Variants in DOCK8 observed in about 807,000 individuals in gnomAD.
DOCK8 encodes dedicator of cytokinesis protein 8.
In DOCK8, 141 loss-of-function variants were observed where a neutral mutation model predicts 245.6. That is an observed-to-expected ratio of 0.57 (90% CI 0.50 to 0.66). DOCK8 has a LOEUF of 0.66. Among genes scored for constraint, DOCK8 ranks in the 30% least tolerant of loss-of-function variants. The pLI, the probability that DOCK8 is intolerant of heterozygous loss-of-function variation, is 0.00. For missense variants in DOCK8, 2,965 were observed against 2,603.4 expected (o/e 1.14, Z -3.02); for synonymous variants, 1,168 against 970.2 (o/e 1.20, Z -3.79).
intron 22 of DOCK8, among the ~76,000 whole-genome samples, chr9:383,176 G>T (rs1326291014): frequency 2.0e-5 from 3 of 151,924 alleles, no homozygotes; most frequent in African/African-American, 4.8e-5. Context: ...GAGGCGGGCG[G>T]ATTACTTGAG....
chr9:282,945 T>G (rs2048654183), intron 2 of DOCK8, among the ~76,000 whole-genome samples: 1 of 152,230 alleles, frequency 6.6e-6, no homozygotes, highest in African/African-American at 2.4e-5. Flanking sequence ...TCACTTTTAT[T>G]TACTTACTAT....
At position 372,225 on chromosome 9, in the gene DOCK8, C is replaced by T. The variant is rs2053319803; in HGVS notation, c.2048C>T (p.Ser683Phe). Reference sequence around the variant, plus strand: ...TTAAATGAACGTCTTCAAACTGGATCCTACTGTCTCCCAGTTGCCTTGGAA... The same window carrying T: ...TTAAATGAACGTCTTCAAACTGGATTCTACTGTCTCCCAGTTGCCTTGGAA... Reference protein sequence around the residue: ...ILLNERLQTGSYCLPVALEKL... With the variant: ...ILLNERLQTGFYCLPVALEKL... The change falls in exon 18 of 48, where the codon TCC becomes TTC. Residue 683 changes from serine (S) to phenylalanine (F), a missense_variant. Ser to Phe is a radical substitution (Grantham distance 155). Transcript: ENST00000432829. 1.2e-6 allele frequency: 2 copies of T among 1,614,116 alleles called. No individual in the cohort carries two copies. Among genetic ancestry groups the T allele is most frequent in the Non-Finnish European group, 1.7e-6 (2 of 1,180,014 alleles).
chr9:397,582 C>T (rs1003308000), intron 25 of DOCK8, among the ~76,000 whole-genome samples: 18 of 149,892 alleles, frequency 1.2e-4, no homozygotes, highest in African/African-American at 4.2e-4. Context: ...CCCAGCTTCT[C>T]GGGAGGCTGA....
At chr9:378,632 T>C (rs1467702309) in intron 20 of DOCK8, among the ~76,000 whole-genome samples, 1 of 152,246 alleles carries the variant, frequency 6.6e-6, no homozygotes, top group African/African-American at 2.4e-5. Flanking sequence ...CACACTGCTT[T>C]GTATGTTCCA....
chr9:436,614 C>T (rs1430471090), intron 39 of DOCK8, among the ~76,000 whole-genome samples: 2 of 152,060 alleles, frequency 1.3e-5, no homozygotes, highest in Non-Finnish European at 2.9e-5. Flanking sequence ...CCTTACTGTT[C>T]TAATTTTACC....
intron 23 of DOCK8, among the ~76,000 whole-genome samples, chr9:387,663 C>A (rs2054011847): frequency 6.6e-6 from 1 of 152,012 alleles, no homozygotes; most frequent in South Asian, 2.1e-4. Context: ...CACCATATGT[C>A]TAGTGAGAGG....
intron 1 of DOCK8, among the ~76,000 whole-genome samples, chr9:251,972 C>CTTTTTTTT (rs34456943): frequency 1.5e-5 from 2 of 130,614 alleles, no homozygotes; most frequent in East Asian, 2.2e-4. Context: ...ATTGTGTTTT[C>CTTTTTTTT]TTTTTTTTTT....
At chr9:429,982 A>C (rs1397224353) in intron 36 of DOCK8, 128 bp downstream of exon 36, 1 of 1,161,242 alleles carries the variant, frequency 8.6e-7, no homozygotes, top group South Asian at 1.3e-5. Context: ...AGAAAGAAAC[A>C]ATTGAGTATG....
intron 6 of DOCK8, among the ~76,000 whole-genome samples, chr9:313,752 A>G (rs1284079282): frequency 1.3e-5 from 2 of 152,192 alleles, no homozygotes; most frequent in Non-Finnish European, 2.9e-5. Context: ...AGGATTTTTA[A>G]TGTTCTCATC....
intron 28 of DOCK8, among the ~76,000 whole-genome samples, chr9:407,277 G>C (rs2055477789): frequency 6.6e-6 from 1 of 152,060 alleles, no homozygotes; most frequent in South Asian, 2.1e-4. Flanking sequence ...ACCAGGGATG[G>C]GTAAGAACTA....
chr9:385,078 C>T (rs1477335000), intron 22 of DOCK8, among the ~76,000 whole-genome samples: 1 of 152,098 alleles, frequency 6.6e-6, no homozygotes, highest in East Asian at 1.9e-4. Flanking sequence ...ATACCTGTTC[C>T]CAAAAGCTGA....
chr9:378,064 C>A lies in DOCK8; in HGVS notation c.2440+853C>A, dbSNP rs141516646. On this transcript the variant is annotated intron_variant, in intron 20 of 47. Transcript: ENST00000432829. ...CCAGTACTGTACTAAAAGTTGTAGG[C>A]TTTGTGACAATAACCAAGAGCATCT... 3.6e-3 allele frequency among the ~76,000 whole-genome samples: 544 copies of A among 152,282 alleles called. 5 individuals carry two copies. The highest frequency in any genetic ancestry group is 0.012 in the African/African-American group (501 of 41,550).
intron 1 of DOCK8, among the ~76,000 whole-genome samples, chr9:238,439 A>G (rs1456550147): frequency 1.3e-5 from 2 of 152,246 alleles, no homozygotes; most frequent in Non-Finnish European, 2.9e-5. Context: ...TACTCAAAAA[A>G]GAAAATAAAA....
chr9:437,926 C>T (rs2056956873), intron 39 of DOCK8, among the ~76,000 whole-genome samples: 1 of 152,222 alleles, frequency 6.6e-6, no homozygotes, highest in South Asian at 2.1e-4. Context: ...AGCTTCAAAT[C>T]TGTTCCTCTA....
At chr9:316,975 G>C in intron 6 of DOCK8, 68 bp from the exon 7 acceptor site, 3 of 1,278,028 alleles carry the variant, frequency 2.3e-6, no homozygotes. Context: ...TCCCTTCCCT[G>C]GGTTAACTCT....
At chr9:362,766 A>G (rs957242593) in intron 14 of DOCK8, among the ~76,000 whole-genome samples, 2 of 150,284 alleles carry the variant, frequency 1.3e-5, no homozygotes, top group African/African-American at 4.8e-5. Context: ...CATTGATGTC[A>G]TCTTGGGAAT....
intron 1 of DOCK8, among the ~76,000 whole-genome samples, chr9:245,095 A>C (rs1365726725): frequency 6.6e-6 from 1 of 152,174 alleles, no homozygotes; most frequent in Non-Finnish European, 1.5e-5. Flanking sequence ...TTCAGGTCCC[A>C]GGCCCCTAAG....
At chr9:417,917 T>C (rs774445922) in intron 29 of DOCK8, 151 bp from the exon 30 acceptor site, 8 of 924,606 alleles carry the variant, frequency 8.7e-6, no homozygotes, top group South Asian at 1.4e-5. Flanking sequence ...TGTGTTTTCC[T>C]ATAGGTGATA....
At chr9:323,459 G>T (rs1330053765) in intron 7 of DOCK8, among the ~76,000 whole-genome samples, 1 of 151,992 alleles carries the variant, frequency 6.6e-6, no homozygotes, top group East Asian at 1.9e-4. Flanking sequence ...CTGACCTCAT[G>T]ATCCGCTTGC....
Sources: allele counts gnomAD v4.1 joint callset (sites outside exome capture counted in the v4.1 genomes callset), GRCh38; gene constraint gnomAD v4.1.1; transcripts MANE v1.5; gene names NCBI Gene and HGNC (gene_info 2026-07-23, HGNC 2026-07-21).